Variants in DAPK1 observed in about 807,000 individuals in gnomAD.
DAPK1 encodes the protein death associated protein kinase 1, also known as death-associated protein kinase 1.
Under a neutral mutation model 144.9 loss-of-function variants are expected in DAPK1, and 56 were observed. The observed-to-expected ratio is 0.39, with a 90% CI of 0.31 to 0.48. The LOEUF (loss-of-function observed/expected upper bound fraction) is 0.48. Ranked by LOEUF, DAPK1 falls within the 20% of genes least tolerant of loss-of-function variation. DAPK1 has a pLI of 0.95. For missense variants in DAPK1, 1,454 were observed against 1,875.4 expected (o/e 0.78, Z 4.15); for synonymous variants, 690 against 749.0 (o/e 0.92, Z 1.29).
intron 18 of DAPK1, among the ~76,000 whole-genome samples, chr9:87,662,560 G>GTTTTTTTTTTCTTTTTTTTTTTTTTT (rs1830889305): frequency 3.1e-5 from 1 of 32,154 alleles, no homozygotes; most frequent in African/African-American, 1.5e-4. Context: ...TATATTCCTA[G>GTTTTTTTTTTCTTTTTTTTTTTTTTT]TTTTTTTTTT....
intron 2 of DAPK1, among the ~76,000 whole-genome samples, chr9:87,520,351 G>A (rs1275531355): frequency 6.6e-6 from 1 of 152,186 alleles, no homozygotes; most frequent in Non-Finnish European, 1.5e-5. Context: ...TGGAGGAACT[G>A]CTGGGGTGTG....
At chr9:87,518,789 G>C (rs754132535) in intron 2 of DAPK1, among the ~76,000 whole-genome samples, 1 of 152,094 alleles carries the variant, frequency 6.6e-6, no homozygotes, top group African/African-American at 2.4e-5. Flanking sequence ...TATCCATGTT[G>C]GTGCCTGAAG....
intron 17 of DAPK1, among the ~76,000 whole-genome samples, chr9:87,654,136 T>C (rs1194407279): frequency 1.3e-5 from 2 of 152,168 alleles, no homozygotes; most frequent in Non-Finnish European, 2.9e-5. Flanking sequence ...TAACTGTGCT[T>C]TTAGGTTCAT....
At position 87,703,191 on chromosome 9, in the gene DAPK1, G is replaced by A. The variant is rs1360779875; in HGVS notation, c.3034G>A (p.Ala1012Thr). 2 of 1,611,866 alleles carry A rather than the reference G, an allele frequency of 1.2e-6. No individual in the cohort carries two copies. The highest frequency in any genetic ancestry group is 1.7e-6 in the Non-Finnish European group (2 of 1,177,874). ...LASEEDLRRI[A>T]QQLHSTGEIN... ...CAGCGAGGAGGACCTCAGGCGCATT[G>A]CTCAGCAGCTCCACAGCACAGGCGA... The change falls in exon 25 of 26, where the codon GCT becomes ACT. Residue 1012 changes from alanine to threonine, a missense_variant. Physicochemically the swap from Ala to Thr is moderately conservative, Grantham distance 58 (BLOSUM62 0). Around this residue, in one of 2 missense-constraint regions of DAPK1, gnomAD observed 1,025 missense variants for 1,237.9 expected, o/e 0.83. Coordinates refer to ENST00000408954, the MANE Select transcript of DAPK1 (RefSeq NM_004938.4).
At chr9:87,646,609 G>A in intron 13 of DAPK1, 50 bp downstream of exon 13, 1 of 1,477,284 alleles carries the variant, frequency 6.8e-7, no homozygotes, top group Non-Finnish European at 9.4e-7. Context: ...ATTTTCAAGT[G>A]TCTCTTAATC....
Position 87,582,557 on chromosome 9 carries a change from C to CTTTTT in DAPK1, c.63-22386_63-22382dup, listed in dbSNP as rs10659497. Among the ~76,000 whole-genome samples, 13 of 139,498 alleles carry CTTTTT rather than the reference C, an allele frequency of 9.3e-5. 2 individuals carry two copies. The highest frequency in any genetic ancestry group is 1.1e-4 in the Non-Finnish European group (7 of 64,842). The allele number at this position is 139,498 out of a possible 152,430, so 91.5% of individuals were successfully genotyped here. The stretch of plus-strand genomic sequence containing the variant: ...TGGTCACACTTTGCCAATTTTCCTG[C>CTTTTT]TTTTTTTTTTTTTTTGAGATGGAAT... On this transcript the variant is annotated intron_variant, in intron 2 of 25. Transcript: ENST00000408954.
chr9:87,669,762 G>A (rs1469080663), intron 19 of DAPK1, among the ~76,000 whole-genome samples: 1 of 117,662 alleles, frequency 8.5e-6, no homozygotes, highest in African/African-American at 2.5e-5. Context: ...CTTGCCAGGG[G>A]CAGGGGGGGG....
intron 2 of DAPK1, among the ~76,000 whole-genome samples, chr9:87,574,987 G>A (rs1827488007): frequency 6.6e-6 from 1 of 151,972 alleles, no homozygotes; most frequent in South Asian, 2.1e-4. Flanking sequence ...GGAGGCTGAG[G>A]CAGGTGGATC....
chr9:87,500,734 A>G (rs1272358729), intron 2 of DAPK1, among the ~76,000 whole-genome samples: 5 of 151,894 alleles, frequency 3.3e-5, no homozygotes, highest in Admixed American at 2.0e-4. Flanking sequence ...TGATGAGGGG[A>G]GGGAGGTGGC....
At chr9:87,540,415 T>C (rs187965913) in intron 2 of DAPK1, among the ~76,000 whole-genome samples, 3 of 152,286 alleles carry the variant, frequency 2.0e-5, no homozygotes, top group African/African-American at 7.2e-5. Flanking sequence ...GGTCTCGAAC[T>C]CCCAACCTCA....
At chr9:87,702,519 G>C (rs543896788) in intron 24 of DAPK1, among the ~76,000 whole-genome samples, 19 of 152,304 alleles carry the variant, frequency 1.2e-4, no homozygotes, top group South Asian at 6.2e-4. Context: ...ACGAGAGAGA[G>C]AGCGAGGGAA....
rs377600437 is a variant in DAPK1, at chr9:87,706,293, C to T, written c.3222C>T (p.Pro1074=). Reference sequence around the variant, plus strand: ...TGGAGGACATCCAGCGCCTGGTGCCCGACAGCGACGTGGAGGAGCTGCTGC... The same window carrying T: ...TGGAGGACATCCAGCGCCTGGTGCCTGACAGCGACGTGGAGGAGCTGCTGC... ...YTVEDIQRLV[P]DSDVEELLQI... The change falls in exon 26 of 26, where the codon CCC becomes CCT. Residue 1074 remains proline (P), a synonymous_variant. Transcript: ENST00000408954. The surrounding 1 kb of genome is among the most constrained non-coding windows in gnomAD (Gnocchi z 9.0). 109 of 1,611,534 alleles carry T rather than the reference C, an allele frequency of 6.8e-5. No individual in the cohort carries two copies. The highest frequency in any genetic ancestry group is 8.5e-5 in the Non-Finnish European group (100 of 1,178,734).
chr9:87,528,367 A>G (rs1825587761), intron 2 of DAPK1, among the ~76,000 whole-genome samples: 1 of 151,858 alleles, frequency 6.6e-6, no homozygotes, highest in East Asian at 2.0e-4. Context: ...ACAGGTGTGC[A>G]TCACCACTCC....
intron 2 of DAPK1, among the ~76,000 whole-genome samples, chr9:87,518,315 A>G (rs1403029285): frequency 7.1e-6 from 1 of 140,054 alleles, no homozygotes; most frequent in East Asian, 2.1e-4. Context: ...TTTAGTAGAG[A>G]TGGAGTTTCG....
At position 87,707,575 on chromosome 9, in the gene DAPK1, A is replaced by G; in HGVS notation, c.*211A>G. On this transcript the variant is annotated 3_prime_UTR_variant, in exon 26 of 26. Transcript: ENST00000408954. The surrounding 1 kb of genome is among the most constrained non-coding windows in gnomAD (Gnocchi z 4.0). ...CTGTGGATGGTCATTGCAGTTTAAG[A>G]GCAGAACAGATCTTTTACTTTGGCC... 1 of 587,864 alleles carries G rather than the reference A, an allele frequency of 1.7e-6. No homozygotes were observed. Among genetic ancestry groups the G allele is most frequent in the East Asian group, 2.8e-5 (1 of 35,206 alleles). The allele number at this position is 587,864 out of a possible 1,614,324, so 36.4% of individuals were successfully genotyped here. A position where few individuals can be genotyped will look rare whatever the true frequency, so the allele number is the denominator to read the frequency against.
intron 2 of DAPK1, among the ~76,000 whole-genome samples, chr9:87,523,669 T>C (rs140773669): frequency 3.3e-5 from 5 of 152,310 alleles, no homozygotes; most frequent in Admixed American, 3.3e-4. Context: ...ATTATGTATG[T>C]TTAAGTCTGT....
Position 87,686,780 on chromosome 9 carries a change from C to T in DAPK1, c.2413+41C>T, listed in dbSNP as rs1269309298. Reference sequence around the variant, plus strand: ...CCCAAGGGAAGGACCTCAGGTTTCCCTTCAACAGGGTTGTAAGTCATCCCT... The same window carrying T: ...CCCAAGGGAAGGACCTCAGGTTTCCTTTCAACAGGGTTGTAAGTCATCCCT... On this transcript the variant is annotated intron_variant, in intron 21 of 25. Transcript: ENST00000408954. The surrounding 1 kb of genome is among the most constrained non-coding windows in gnomAD (Gnocchi z 4.2). 5 of 1,509,458 alleles carry T rather than the reference C, an allele frequency of 3.3e-6. No individual in the cohort carries two copies. Among genetic ancestry groups the T allele is most frequent in the Non-Finnish European group, 2.7e-6 (3 of 1,094,996 alleles). 93.5% of individuals were successfully genotyped at this position (1,509,458 alleles called of 1,614,324 possible).
chr9:87,612,297 A>G (rs928261454), intron 3 of DAPK1, among the ~76,000 whole-genome samples: 6 of 152,356 alleles, frequency 3.9e-5, no homozygotes, highest in African/African-American at 1.4e-4. Flanking sequence ...TTTAGATGTA[A>G]TTAGTTAAGA....
intron 2 of DAPK1, among the ~76,000 whole-genome samples, chr9:87,587,483 T>TA (rs1827975652): frequency 6.6e-6 from 1 of 152,170 alleles, no homozygotes; most frequent in Non-Finnish European, 1.5e-5. Flanking sequence ...CAGCTTCAGT[T>TA]AGAGTCTTTT....
Sources: gnomAD v4.1 joint callset for allele counts (sites outside exome capture counted in the v4.1 genomes callset) on GRCh38, gnomAD v4.1.1 for gene constraint, gnomAD v4.1.1 regional missense constraint, Gnocchi (gnomAD v3.1) non-coding constraint, MANE v1.5 for transcripts, NCBI Gene and HGNC (gene_info 2026-07-23, HGNC 2026-07-21) for gene names.